Variants in FILIP1L observed in about 807,000 individuals in gnomAD.
The protein encoded by FILIP1L is filamin A-interacting protein 1-like.
In FILIP1L, 55 loss-of-function variants were observed where a neutral mutation model predicts 96.6. The observed-to-expected ratio is 0.57, with a 90% CI of 0.46 to 0.71. The LOEUF (loss-of-function observed/expected upper bound fraction) is 0.71. Among genes scored for constraint, FILIP1L ranks in the 30% least tolerant of loss-of-function variants. FILIP1L has a pLI of 0.00. For synonymous variants in FILIP1L, 467 were observed against 473.9 expected, an observed-to-expected ratio of 0.99 and a Z score of 0.19; for missense variants, 1,304 against 1,321.2, an observed-to-expected ratio of 0.99 and a Z score of 0.20.
chr3:100,064,831 T>C (rs1208732179), intron 1 of FILIP1L, among the ~76,000 whole-genome samples: 1 of 152,062 alleles, frequency 6.6e-6, no homozygotes, highest in Admixed American at 6.6e-5. Context: ...GCAGTTGGAT[T>C]TCCACACAGT....
chr3:100,104,639 A>G (rs1239626006), intron 1 of FILIP1L, among the ~76,000 whole-genome samples: 1 of 152,154 alleles, frequency 6.6e-6, no homozygotes, highest in Non-Finnish European at 1.5e-5. Flanking sequence ...TCTAAAAGTT[A>G]AGCTTGAGGG....
intron 1 of FILIP1L, among the ~76,000 whole-genome samples, chr3:100,064,065 T>C (rs190450660): frequency 1.1e-4 from 17 of 152,254 alleles, no homozygotes; most frequent in African/African-American, 3.9e-4. Context: ...AGTTCTTGTT[T>C]TGTTTGTTCT....
At chr3:99,944,599 G>A (rs1303576979) in intron 1 of FILIP1L, among the ~76,000 whole-genome samples, 4 of 152,190 alleles carry the variant, frequency 2.6e-5, no homozygotes, top group South Asian at 2.1e-4. Flanking sequence ...TAAAGTAACC[G>A]AAACCTAAAG....
intron 1 of FILIP1L, among the ~76,000 whole-genome samples, chr3:99,970,241 A>C (rs1224531519): frequency 1.3e-5 from 2 of 152,224 alleles, no homozygotes; most frequent in Admixed American, 1.3e-4. Context: ...AAGTCATCTG[A>C]TAAGTTTTGG....
At chr3:99,886,427 G>A (rs946537350) in intron 4 of FILIP1L, among the ~76,000 whole-genome samples, 4 of 151,368 alleles carry the variant, frequency 2.6e-5, no homozygotes, top group Admixed American at 6.6e-5. Context: ...AAAAAAAATC[G>A]GAAAAAAAAA....
intron 1 of FILIP1L, among the ~76,000 whole-genome samples, chr3:99,959,118 G>C (rs999086757): frequency 1.3e-5 from 2 of 152,140 alleles, no homozygotes; most frequent in African/African-American, 2.4e-5. Flanking sequence ...TTGTGTAAAT[G>C]TTCAAGTAGT....
intron 1 of FILIP1L, among the ~76,000 whole-genome samples, chr3:99,955,656 T>A (rs1708300821): frequency 6.6e-6 from 1 of 152,210 alleles, no homozygotes; most frequent in Non-Finnish European, 1.5e-5. Flanking sequence ...CCTATCAAAC[T>A]CTTTGATGAT....
chr3:99,960,038 T>C (rs968474282), intron 1 of FILIP1L, among the ~76,000 whole-genome samples: 1 of 152,176 alleles, frequency 6.6e-6, no homozygotes, highest in Non-Finnish European at 1.5e-5. Flanking sequence ...CCTTCATTTA[T>C]AAATTGTCTA....
intron 1 of FILIP1L, among the ~76,000 whole-genome samples, chr3:99,976,424 A>G (rs1394666719): frequency 6.6e-6 from 1 of 152,234 alleles, no homozygotes; most frequent in African/African-American, 2.4e-5. Context: ...CATAGATATC[A>G]TGAACTTAGA....
chr3:99,848,140 A>G lies in FILIP1L; in HGVS notation c.3381+155T>C. ...ATGCAGGCAACAGTTAGTTTCAGATACTCTTGTATAGTTCATGCACAAACC... is the reference window on the plus strand; with the variant it reads ...ATGCAGGCAACAGTTAGTTTCAGATGCTCTTGTATAGTTCATGCACAAACC... On this transcript the variant is annotated intron_variant, in intron 5 of 5. Transcript: ENST00000477258. The G allele has an allele frequency of 2.0e-6, 3 of 1,487,000 alleles. No individual in the cohort carries two copies. The South Asian group carries it at 4.4e-5, about 22-fold the overall frequency. The allele number at this position is 1,487,000 out of a possible 1,614,324, so 92.1% of individuals were successfully genotyped here.
intron 4 of FILIP1L, among the ~76,000 whole-genome samples, chr3:99,904,601 CTTTT>C (rs940411368): frequency 6.6e-6 from 1 of 151,766 alleles, no homozygotes; most frequent in African/African-American, 2.4e-5. Context: ...TTACTTTTCT[CTTTT>C]TTTTGTTTTT....
At chr3:99,880,641 G>A (rs1299211642) in intron 4 of FILIP1L, among the ~76,000 whole-genome samples, 1 of 152,042 alleles carries the variant, frequency 6.6e-6, no homozygotes, top group Non-Finnish European at 1.5e-5. Flanking sequence ...ATGATATTTT[G>A]TGGTTTTAAA....
chr3:99,955,320 A>G (rs1414062696), intron 1 of FILIP1L, among the ~76,000 whole-genome samples: 1 of 152,220 alleles, frequency 6.6e-6, no homozygotes, highest in Non-Finnish European at 1.5e-5. Flanking sequence ...CAAGGAGTAT[A>G]AACAGAGACC....
chr3:99,993,151 T>G (rs578162050), intron 1 of FILIP1L, among the ~76,000 whole-genome samples: 66 of 152,242 alleles, frequency 4.3e-4, no homozygotes, highest in African/African-American at 1.5e-3. Flanking sequence ...GAGCTTTTTT[T>G]GGGTTTCATA....
intron 1 of FILIP1L, among the ~76,000 whole-genome samples, chr3:100,108,309 G>A (rs1238876386): frequency 6.6e-6 from 1 of 152,156 alleles, no homozygotes; most frequent in African/African-American, 2.4e-5. Flanking sequence ...TAGCACCATA[G>A]TGGGAGTTTT....
intron 1 of FILIP1L, among the ~76,000 whole-genome samples, chr3:100,107,107 C>G (rs898131130): frequency 6.6e-6 from 1 of 152,004 alleles, no homozygotes; most frequent in South Asian, 2.1e-4. Context: ...AGGTGAAAAT[C>G]TTTATATTCT....
intron 1 of FILIP1L, among the ~76,000 whole-genome samples, chr3:100,071,604 C>G (rs1276373295): frequency 1.3e-5 from 2 of 152,148 alleles, no homozygotes; most frequent in African/African-American, 4.8e-5. Flanking sequence ...TTTTTGATGT[C>G]CTCGGGCCAG....
intron 1 of FILIP1L, chr3:100,041,348 A>G (rs2065202371): frequency 6.6e-6 from 1 of 152,200 alleles, no homozygotes; most frequent in South Asian, 2.1e-4. Context: ...GCACTTGAAG[A>G]TGAATGTAAC....
chr3:99,952,717 A>G (rs985082913), intron 1 of FILIP1L, among the ~76,000 whole-genome samples: 2 of 152,214 alleles, frequency 1.3e-5, no homozygotes, highest in Admixed American at 1.3e-4. Flanking sequence ...TCTATAGTTT[A>G]CTAGCTTTGA....
Sources: gnomAD v4.1 joint callset for allele counts (sites outside exome capture counted in the v4.1 genomes callset) on GRCh38, gnomAD v4.1.1 for gene constraint, MANE v1.5 for transcripts, NCBI Gene and HGNC (gene_info 2026-07-23, HGNC 2026-07-21) for gene names.